The following ARB2A variants were observed in gnomAD, a reference collection of about 807,000 sequenced individuals.
ARB2A encodes the protein ARB2 cotranscriptional regulator A.
At chr5:93,683,503 A>C in the ARB2A span, 2 of 1,573,070 alleles carry the variant, frequency 1.3e-6, no homozygotes, top group Non-Finnish European at 8.6e-7. Context: ...GTGTTACTTT[A>C]ATTGGACTGC....
At chr5:93,752,646 A>G in the ARB2A span, among the ~76,000 whole-genome samples, 1 of 152,136 alleles carries the variant, frequency 6.6e-6, no homozygotes, top group Admixed American at 6.6e-5. Flanking sequence ...AAATCACAGG[A>G]TAATATTCGA....
chr5:93,671,390 G>C, the ARB2A span, among the ~76,000 whole-genome samples: 19 of 152,062 alleles, frequency 1.2e-4, no homozygotes, highest in African/African-American at 4.6e-4. Context: ...ATGTAAATAA[G>C]TCATTTTAGA....
the ARB2A span, among the ~76,000 whole-genome samples, chr5:93,832,976 ATAAAG>A: frequency 2.6e-5 from 4 of 152,332 alleles, no homozygotes; most frequent in Non-Finnish European, 4.4e-5. Context: ...AGAAATATAT[ATAAAG>A]TATTTATAAC....
chr5:94,055,362 T>C, the ARB2A span, among the ~76,000 whole-genome samples: 45 of 152,276 alleles, frequency 3.0e-4, no homozygotes, highest in African/African-American at 1.1e-3. Flanking sequence ...CACAGAAATA[T>C]AACAAATCTT....
the ARB2A span, among the ~76,000 whole-genome samples, chr5:93,970,438 G>T: frequency 2.0e-5 from 3 of 151,976 alleles, no homozygotes; most frequent in African/African-American, 4.8e-5. Flanking sequence ...AACATTAGAA[G>T]AAATCATTTT....
the ARB2A span, among the ~76,000 whole-genome samples, chr5:93,640,676 A>G: frequency 2.0e-5 from 3 of 151,208 alleles, no homozygotes; most frequent in East Asian, 3.9e-4. Context: ...ACATATATAT[A>G]TTTGGCCACT....
the ARB2A span, among the ~76,000 whole-genome samples, chr5:93,960,026 C>T: frequency 6.9e-6 from 1 of 145,522 alleles, no homozygotes; most frequent in Admixed American, 6.9e-5. Flanking sequence ...TTCACTTTGT[C>T]AACTGTATAT....
the ARB2A span, among the ~76,000 whole-genome samples, chr5:93,797,068 T>C: frequency 6.6e-6 from 1 of 152,260 alleles, no homozygotes; most frequent in South Asian, 2.1e-4. Context: ...CAGTCCACTA[T>C]ACAACAAGTT....
the ARB2A span, chr5:93,741,469 A>T: frequency 7.4e-6 from 12 of 1,613,510 alleles, no homozygotes; most frequent in Middle Eastern, 1.7e-4. Flanking sequence ...CAACCAGGTC[A>T]GAGTGTCAAC....
chr5:93,946,304 G>A, the ARB2A span, among the ~76,000 whole-genome samples: 3 of 152,046 alleles, frequency 2.0e-5, no homozygotes, highest in Admixed American at 1.3e-4. Context: ...AGTCAAGACT[G>A]AAACAGAGTC....
chr5:93,959,782 C>T, the ARB2A span, among the ~76,000 whole-genome samples: 1 of 152,064 alleles, frequency 6.6e-6, no homozygotes, highest in African/African-American at 2.4e-5. Context: ...AGATTGTTAA[C>T]TATATGATGT....
chr5:93,702,235 T>G, the ARB2A span, among the ~76,000 whole-genome samples: 2 of 152,174 alleles, frequency 1.3e-5, no homozygotes, highest in Admixed American at 6.6e-5. Context: ...AGAACAGAAT[T>G]TTGCAGCCAT....
chr5:93,747,993 AT>A, the ARB2A span, among the ~76,000 whole-genome samples: 1 of 152,210 alleles, frequency 6.6e-6, no homozygotes, highest in African/African-American at 2.4e-5. Flanking sequence ...GTTGCCAATC[AT>A]GGCATTGTTG....
At chr5:94,104,100 CAAA>C in the ARB2A span, among the ~76,000 whole-genome samples, 1 of 129,320 alleles carries the variant, frequency 7.7e-6, no homozygotes, top group Non-Finnish European at 1.7e-5. Context: ...CTAGAGCAAC[CAAA>C]AAAAAAAAAA....
At chr5:93,799,584 C>T in the ARB2A span, among the ~76,000 whole-genome samples, 1 of 152,082 alleles carries the variant, frequency 6.6e-6, no homozygotes, top group Non-Finnish European at 1.5e-5. Context: ...CTGAAATTAA[C>T]TTTTTATAGC....
the ARB2A span, among the ~76,000 whole-genome samples, chr5:94,085,439 T>G: frequency 6.6e-6 from 1 of 152,190 alleles, no homozygotes; most frequent in Non-Finnish European, 1.5e-5. Flanking sequence ...AGGATTCACT[T>G]CCAAGATGGC....
At chr5:93,672,356 C>T in the ARB2A span, among the ~76,000 whole-genome samples, 10 of 151,594 alleles carry the variant, frequency 6.6e-5, no homozygotes, top group Middle Eastern at 3.4e-3. Flanking sequence ...TGTCACGAGG[C>T]TGGAGTGCAA....
the ARB2A span, among the ~76,000 whole-genome samples, chr5:94,062,031 T>C: frequency 6.6e-6 from 1 of 152,222 alleles, no homozygotes; most frequent in East Asian, 1.9e-4. Flanking sequence ...TAACTTACTA[T>C]ATAGCTACTG....
the ARB2A span, among the ~76,000 whole-genome samples, chr5:93,935,784 CCATT>C: frequency 6.6e-6 from 1 of 152,118 alleles, no homozygotes; most frequent in Admixed American, 6.6e-5. Flanking sequence ...ATGTAAAACT[CCATT>C]CAAAGACAAC....
Sources: gnomAD v4.1 joint callset for allele counts (sites outside exome capture counted in the v4.1 genomes callset) on GRCh38, gnomAD v4.1.1 for gene constraint, MANE v1.5 for transcripts, NCBI Gene and HGNC (gene_info 2026-07-23, HGNC 2026-07-21) for gene names.